Variants in CLK4 observed in about 807,000 individuals in gnomAD.
The protein encoded by CLK4 is dual specificity protein kinase CLK4.
In CLK4, 37 loss-of-function variants were observed where a neutral mutation model predicts 64.4. That is an observed-to-expected ratio of 0.57 (90% CI 0.44 to 0.76). CLK4 has a LOEUF of 0.76. CLK4 is among the 30% of genes least tolerant of loss of function. CLK4 has a pLI of 0.00. For missense variants in CLK4, 457 were observed against 605.1 expected (o/e 0.76, Z 2.57); for synonymous variants, 175 against 191.6 (o/e 0.91, Z 0.72).
intron 8 of CLK4, 121 bp downstream of exon 8, chr5:178,612,675 T>G (rs996660041): frequency 1.8e-6 from 2 of 1,133,820 alleles, no homozygotes; most frequent in Non-Finnish European, 2.6e-6. Flanking sequence ...GAAGGATTAC[T>G]TCTTTTTGGT....
rs1294392156 is a variant in CLK4 at position 178,617,077 on chromosome 5, T to G, written c.476-129A>C. 3 of 705,476 alleles carry G rather than the reference T, an allele frequency of 4.3e-6. No homozygotes were observed. Among genetic ancestry groups the G allele is most frequent in the African/African-American group, 3.6e-5 (2 of 55,422 alleles). The allele number at this position is 705,476 out of a possible 1,614,324, so 43.7% of individuals were successfully genotyped here. Reference sequence around the variant, plus strand: ...CAAAGCATAACTAAGGTTTCAGCACTCAAATTATTTTAGTTTCAGCTGCTA... The same window carrying G: ...CAAAGCATAACTAAGGTTTCAGCACGCAAATTATTTTAGTTTCAGCTGCTA... On this transcript the variant is annotated intron_variant, in intron 4 of 12. Coordinates refer to ENST00000316308, the MANE Select transcript of CLK4 (RefSeq NM_020666.3). The surrounding 1 kb of genome is among the most constrained non-coding windows in gnomAD (Gnocchi z 5.2).
intron 10 of CLK4, among the ~76,000 whole-genome samples, chr5:178,606,077 G>T (rs570510894): frequency 6.6e-6 from 1 of 152,252 alleles, no homozygotes; most frequent in African/African-American, 2.4e-5. Context: ...CTTCCAAATC[G>T]TTGTGATACA....
At chr5:178,616,130 C>A (rs758731634) in intron 5 of CLK4, among the ~76,000 whole-genome samples, 21 of 151,908 alleles carry the variant, frequency 1.4e-4, no homozygotes, top group Non-Finnish European at 2.5e-4. Context: ...TCACTCGTTG[C>A]CTAGGCTGGA....
At chr5:178,619,598 C>CAGAATTCTGTT in intron 2 of CLK4, 1 of 255,656 alleles carries the variant, frequency 3.9e-6, no homozygotes, top group African/African-American at 2.2e-5. Flanking sequence ...TGAGAAATAC[C>CAGAATTCTGTT]TAAGAAACAA....
chr5:178,620,675 T>C (rs1322001275), intron 2 of CLK4: 1 of 408,534 alleles, frequency 2.4e-6, no homozygotes, highest in Non-Finnish European at 4.9e-6. Context: ...ACACAGGTCC[T>C]GTGGGAGATA....
At chr5:178,624,890 G>C (rs1054076321) in intron 1 of CLK4, among the ~76,000 whole-genome samples, 33 of 152,182 alleles carry the variant, frequency 2.2e-4, no homozygotes, top group African/African-American at 8.0e-4. Context: ...CGCCATCAGA[G>C]TCTGATTGCC....
In CLK4 at chr5:178,617,198, AAAG is replaced by A; in HGVS notation, c.475+143_475+145del. 2 of 685,244 alleles carry A rather than the reference AAAG, an allele frequency of 2.9e-6. No homozygotes were observed. The highest frequency in any genetic ancestry group is 1.9e-5 in the South Asian group (1 of 51,698). 42.4% of individuals were successfully genotyped at this position (685,244 alleles called of 1,614,324 possible). ...AATAGAAATATTTAAATTCTACAGA[AAAG>A]AAGAAATATAAAAGAACAAACAAAC... On this transcript the variant is annotated intron_variant, in intron 4 of 12. Coordinates refer to ENST00000316308, the MANE Select transcript of CLK4 (RefSeq NM_020666.3). The surrounding 1 kb of genome is among the most constrained non-coding windows in gnomAD (Gnocchi z 5.2).
chr5:178,623,546 G>A (rs1764739168), intron 1 of CLK4, 130 bp from the exon 2 acceptor site: 3 of 653,314 alleles, frequency 4.6e-6, no homozygotes, highest in Non-Finnish European at 6.7e-6. Context: ...ATCTTTTTAG[G>A]TGGTAATGCT....
chr5:178,618,740 T>C lies in CLK4; in HGVS notation c.200A>G (p.Tyr67Cys), dbSNP rs764914861. The C allele has an allele frequency of 1.2e-6, 2 of 1,613,834 alleles. No homozygotes were observed. The highest frequency in any genetic ancestry group is 2.2e-5 in the South Asian group (2 of 91,074). ...LEARSLNERDYRDRRYVDEYR... is the reference protein window; with the variant it reads ...LEARSLNERDCRDRRYVDEYR... Reference sequence around the variant, plus strand: ...TTCGTCAACGTATCTCCGGTCCCGATAATCTCGCTCATTCAAGGACCTTGC... The same window carrying C: ...TTCGTCAACGTATCTCCGGTCCCGACAATCTCGCTCATTCAAGGACCTTGC... The change falls in exon 3 of 13, where the codon TAT becomes TGT. Residue 67 changes from tyrosine to cysteine, a missense_variant. Transcript: ENST00000316308.
intron 7 of CLK4, 75 bp from the exon 8 acceptor site, chr5:178,612,965 C>T: frequency 1.3e-6 from 1 of 750,884 alleles, no homozygotes; most frequent in Non-Finnish European, 2.3e-6. Context: ...GGAGGACTGG[C>T]AAAGGATATA....
chr5:178,613,689 A>G (rs778557648), intron 6 of CLK4, 38 bp downstream of exon 6: 2 of 1,605,894 alleles, frequency 1.2e-6, no homozygotes, highest in Admixed American at 1.7e-5. Flanking sequence ...TGAATATTTC[A>G]TGTAATATGA....
chr5:178,611,850 C>T (rs1299193400), intron 9 of CLK4, among the ~76,000 whole-genome samples: 1 of 152,156 alleles, frequency 6.6e-6, no homozygotes, highest in Non-Finnish European at 1.5e-5. Context: ...CTCTGACTTC[C>T]CTGATTTATT....
chr5:178,617,512 T>G lies in CLK4; in HGVS notation c.385-78A>C. 1 of 1,340,380 alleles carries G rather than the reference T, an allele frequency of 7.5e-7. No homozygotes were observed. The highest frequency in any genetic ancestry group is 1.4e-5 in the African/African-American group (1 of 68,998). 83.0% of individuals were successfully genotyped at this position (1,340,380 alleles called of 1,614,324 possible). A position where few individuals can be genotyped will look rare whatever the true frequency, so the allele number is the denominator to read the frequency against. ...AGTGAATTCAGGGCAGAATACGCAATTCATTCAGCGGGGAGATATTCAGGC... is the reference window on the plus strand; with the variant it reads ...AGTGAATTCAGGGCAGAATACGCAAGTCATTCAGCGGGGAGATATTCAGGC... On this transcript the variant is annotated intron_variant, in intron 3 of 12. Transcript: ENST00000316308. The surrounding 1 kb of genome is among the most constrained non-coding windows in gnomAD (Gnocchi z 5.2).
intron 3 of CLK4, 75 bp downstream of exon 3, chr5:178,618,481 A>C: frequency 1.6e-6 from 1 of 632,192 alleles, no homozygotes; most frequent in Non-Finnish European, 2.5e-6. Context: ...TATATAAAAA[A>C]TTAGAAACTT....
chr5:178,614,567 A>AAT (rs1269586440), intron 5 of CLK4, among the ~76,000 whole-genome samples: 1 of 152,158 alleles, frequency 6.6e-6, no homozygotes, highest in Non-Finnish European at 1.5e-5. Context: ...TTTTAAACCT[A>AAT]ATCTACCTAC....
intron 9 of CLK4, among the ~76,000 whole-genome samples, chr5:178,609,869 A>G (rs1439250770): frequency 6.6e-6 from 1 of 151,328 alleles, no homozygotes; most frequent in African/African-American, 2.4e-5. Context: ...AGATTGCACC[A>G]CTGCACTCCA....
intron 3 of CLK4, 126 bp downstream of exon 3, chr5:178,618,430 A>T: frequency 3.2e-6 from 1 of 309,988 alleles, no homozygotes; most frequent in East Asian, 6.3e-5. Flanking sequence ...AAGTAATATA[A>T]ATACAATTAT....
chr5:178,603,790 T>G (rs375951583), intron 12 of CLK4, 33 bp from the exon 13 acceptor site: 1 of 1,578,150 alleles, frequency 6.3e-7, no homozygotes, highest in African/African-American at 1.4e-5. Flanking sequence ...TTAAAAAAAA[T>G]TATTAATAGT....
At position 178,603,592 on chromosome 5, in the gene CLK4, T is replaced by A. The variant is rs1473394476; in HGVS notation, c.*25A>T. On this transcript the variant is annotated 3_prime_UTR_variant, in exon 13 of 13. Coordinates refer to ENST00000316308, the MANE Select transcript of CLK4 (RefSeq NM_020666.3). Reference sequence around the variant, plus strand: ...TTAAGTAATCTCTTCTAGAGAAGTATATAGTAAGACCACTGATTCCCATTT... The same window carrying A: ...TTAAGTAATCTCTTCTAGAGAAGTAAATAGTAAGACCACTGATTCCCATTT... 2.6e-6 allele frequency: 4 copies of A among 1,515,010 alleles called. No individual in the cohort carries two copies. Among genetic ancestry groups the A allele is most frequent in the African/African-American group, 1.4e-5 (1 of 71,608 alleles). The allele number at this position is 1,515,010 out of a possible 1,614,324, so 93.8% of individuals were successfully genotyped here. A position where few individuals can be genotyped will look rare whatever the true frequency, so the allele number is the denominator to read the frequency against.
Sources: allele counts gnomAD v4.1 joint callset (sites outside exome capture counted in the v4.1 genomes callset), GRCh38; gene constraint gnomAD v4.1.1; non-coding constraint Gnocchi (gnomAD v3.1); transcripts MANE v1.5; gene names NCBI Gene and HGNC (gene_info 2026-07-23, HGNC 2026-07-21).